TPD52L1: variants seen among roughly 807,000 people sequenced by gnomAD.
TPD52L1 encodes the protein TPD52 like 1, also known as tumor protein D53.
In TPD52L1, 18 loss-of-function variants were observed where a neutral mutation model predicts 28.7. The ratio of observed to expected loss-of-function variants is 0.63; its 90% confidence interval spans 0.43 to 0.93. TPD52L1 has a LOEUF of 0.93. Ranked by LOEUF, TPD52L1 falls within the 40% of genes least tolerant of loss-of-function variation. The pLI is 0.00. For missense variants in TPD52L1, 203 were observed against 254.8 expected (o/e 0.80, Z 1.39); for synonymous variants, 75 against 88.8 (o/e 0.84, Z 0.88).
rs770408400 is a variant in TPD52L1 at position 125,229,142 on chromosome 6, C to G, written c.160C>G (p.Arg54Gly). The G allele has an allele frequency of 1.2e-6, 2 of 1,613,042 alleles. No homozygotes were observed. The highest frequency in any genetic ancestry group is 2.2e-5 in the South Asian group (2 of 90,928). Residue 54 changes from arginine to glycine, a missense_variant, in exon 3 of 7, where the codon CGA becomes GGA. By Grantham distance (125) the Arg-to-Gly change is moderately radical. Coordinates refer to ENST00000534000, the MANE Select transcript of TPD52L1 (RefSeq NM_003287.4). Reference protein sequence around the residue: ...VQLEDEITTLRQVLSAKERHL... With the variant: ...VQLEDEITTLGQVLSAKERHL... ...GCTAGAAGACGAAATTACAACACTACGACAAGTTTTGTCAGCGAAAGAAAG... is the reference window on the plus strand; with the variant it reads ...GCTAGAAGACGAAATTACAACACTAGGACAAGTTTTGTCAGCGAAAGAAAG...
intron 1 of TPD52L1, among the ~76,000 whole-genome samples, chr6:125,200,192 A>G (rs554004): frequency 0.17 from 25,755 of 152,200 alleles, 2,913 homozygotes; most frequent in African/African-American, 0.31. Flanking sequence ...TCAGCATGCC[A>G]TGAATTGCAT....
rs144367788 is a variant in TPD52L1, at chr6:125,226,402, G to A, written c.136-2716G>A. On this transcript the variant is annotated intron_variant, in intron 2 of 6. Transcript: ENST00000534000. The stretch of plus-strand genomic sequence containing the variant: ...AATTGGTCACTTTAATGTTTCTATC[G>A]CTTTTGGGGGATGAAGATTTTATTA... 6.6e-5 allele frequency among the ~76,000 whole-genome samples: 10 copies of A among 151,692 alleles called. 1 individual carries two copies. In the South Asian group the frequency reaches 1.0e-3, roughly 16 times the overall value.
chr6:125,193,367 G>A (rs1793186820), intron 1 of TPD52L1, among the ~76,000 whole-genome samples: 1 of 152,088 alleles, frequency 6.6e-6, no homozygotes, highest in Non-Finnish European at 1.5e-5. Context: ...GGTAGGGTGG[G>A]GTGAGGTGTG....
intron 2 of TPD52L1, among the ~76,000 whole-genome samples, chr6:125,222,751 GT>G (rs1316958856): frequency 6.6e-6 from 1 of 152,058 alleles, no homozygotes; most frequent in Non-Finnish European, 1.5e-5. Flanking sequence ...TACCTACATT[GT>G]TTTGTAAAAT....
At chr6:125,198,072 A>AT (rs894506864) in intron 1 of TPD52L1, among the ~76,000 whole-genome samples, 38 of 152,202 alleles carry the variant, frequency 2.5e-4, no homozygotes, top group Non-Finnish European at 7.3e-5. Flanking sequence ...GCTTCAAGCC[A>AT]AGACCAGGGC....
At chr6:125,252,828 A>G (rs2115048378) in intron 4 of TPD52L1, 1 of 152,330 alleles carries the variant, frequency 6.6e-6, no homozygotes, top group Middle Eastern at 3.4e-3. Context: ...GTGTTCTAGC[A>G]AAGTGCTACC....
chr6:125,248,574 CTT>C, intron 4 of TPD52L1, 191 bp downstream of exon 4: 1 of 546,446 alleles, frequency 1.8e-6, no homozygotes, highest in South Asian at 2.4e-5. Context: ...GAAGGTCAGG[CTT>C]AGGTGGCCTG....
chr6:125,222,628 T>C (rs111409126), intron 2 of TPD52L1, among the ~76,000 whole-genome samples: 1 of 152,202 alleles, frequency 6.6e-6, no homozygotes, highest in Non-Finnish European at 1.5e-5. Context: ...GTTGGGACTT[T>C]AAATTATTTT....
chr6:125,170,306 A>T (rs1193171512), intron 1 of TPD52L1, among the ~76,000 whole-genome samples: 1 of 151,984 alleles, frequency 6.6e-6, no homozygotes, highest in African/African-American at 2.4e-5. Flanking sequence ...TTGCCTATTA[A>T]TGCAGTCAGG....
At chr6:125,219,515 G>T (rs1435747472) in intron 1 of TPD52L1, among the ~76,000 whole-genome samples, 1 of 152,218 alleles carries the variant, frequency 6.6e-6, no homozygotes, top group Non-Finnish European at 1.5e-5. Flanking sequence ...CATTCAAGTT[G>T]CAAGCTGCTT....
chr6:125,224,812 A>C (rs776877742), intron 2 of TPD52L1, among the ~76,000 whole-genome samples: 3 of 152,240 alleles, frequency 2.0e-5, no homozygotes, highest in Non-Finnish European at 2.9e-5. Context: ...TAAATTTCAT[A>C]CTGAAGCTAA....
At chr6:125,166,287 A>C (rs1790895424) in intron 1 of TPD52L1, among the ~76,000 whole-genome samples, 1 of 152,204 alleles carries the variant, frequency 6.6e-6, no homozygotes, top group Admixed American at 6.5e-5. Context: ...CTAATAGCTC[A>C]TTGTCTATAA....
intron 1 of TPD52L1, among the ~76,000 whole-genome samples, chr6:125,171,760 A>C (rs1791314697): frequency 6.6e-6 from 1 of 152,178 alleles, no homozygotes; most frequent in Admixed American, 6.5e-5. Context: ...CAGCTTCATG[A>C]GACCCTGGGC....
At position 125,257,186 on chromosome 6, in the gene TPD52L1, TG is replaced by T. The variant is rs552130368; in HGVS notation, c.486+31del. 319 of 1,595,022 alleles carry T rather than the reference TG, an allele frequency of 2.0e-4. 2 individuals carry two copies. In the South Asian group the frequency reaches 3.3e-3, roughly 16 times the overall value. On this transcript the variant is annotated intron_variant, in intron 6 of 6. Transcript: ENST00000534000. ...ACAGATGAAGTGAATTCTGTGTGAG[TG>T]GGTCCATTGACTCAGGACAGCTTAG...
chr6:125,204,259 A>G (rs1422285528), intron 1 of TPD52L1, among the ~76,000 whole-genome samples: 1 of 152,206 alleles, frequency 6.6e-6, no homozygotes, highest in Admixed American at 6.5e-5. Context: ...AATGAAAGCT[A>G]GACCCTGGCT....
chr6:125,154,235 C>G, intron 1 of TPD52L1: 2 of 1,272,100 alleles, frequency 1.6e-6, no homozygotes, highest in Non-Finnish European at 2.0e-6. Context: ...GCTCTACCCT[C>G]TTCCGCAGCC....
intron 1 of TPD52L1, among the ~76,000 whole-genome samples, chr6:125,209,589 C>G (rs1794370034): frequency 6.6e-6 from 1 of 152,222 alleles, no homozygotes; most frequent in South Asian, 2.1e-4. Context: ...ATAGAGACCA[C>G]AGACCAACAA....
At chr6:125,261,414 G>A (rs1262058746) in intron 6 of TPD52L1, 5 of 152,094 alleles carry the variant, frequency 3.3e-5, no homozygotes, top group Admixed American at 1.3e-4. Context: ...GTGACAGTGA[G>A]GCATCAACAA....
At chr6:125,202,632 T>C (rs921134083) in intron 1 of TPD52L1, among the ~76,000 whole-genome samples, 4 of 152,178 alleles carry the variant, frequency 2.6e-5, no homozygotes, top group African/African-American at 9.7e-5. Flanking sequence ...AATGAGTGAC[T>C]TTTTATTAAT....
Sources: allele counts gnomAD v4.1 joint callset (sites outside exome capture counted in the v4.1 genomes callset), GRCh38; gene constraint gnomAD v4.1.1; transcripts MANE v1.5; gene names NCBI Gene and HGNC (gene_info 2026-07-23, HGNC 2026-07-21).